The following DCAF10 variants were observed in gnomAD, a reference collection of about 807,000 sequenced individuals.
The protein encoded by DCAF10 is DDB1- and CUL4-associated factor 10.
A neutral mutation model predicts 51.9 loss-of-function variants in DCAF10; 19 were observed. That is an observed-to-expected ratio of 0.37 (90% CI 0.26 to 0.54). DCAF10 has a LOEUF of 0.54. DCAF10 is among the 20% of genes least tolerant of loss of function. The pLI, the probability that DCAF10 is intolerant of heterozygous loss-of-function variation, is 0.87. For synonymous variants in DCAF10, 291 were observed against 297.1 expected, an observed-to-expected ratio of 0.98 and a Z score of 0.21; for missense variants, 510 against 730.6, an observed-to-expected ratio of 0.70 and a Z score of 3.48.
At chr9:37,831,122 C>A (rs1436346052) in intron 2 of DCAF10, among the ~76,000 whole-genome samples, 1 of 152,138 alleles carries the variant, frequency 6.6e-6, no homozygotes, top group Non-Finnish European at 1.5e-5. Context: ...ACTCGGGAGG[C>A]AGGAGACTCG....
At chr9:37,832,450 C>A (rs1264576885) in intron 2 of DCAF10, among the ~76,000 whole-genome samples, 1 of 150,916 alleles carries the variant, frequency 6.6e-6, no homozygotes, top group Non-Finnish European at 1.5e-5. Context: ...AAGAGCGAGA[C>A]TCCGTCTCAA....
At chr9:37,845,661 C>A (rs1830453767) in intron 3 of DCAF10, among the ~76,000 whole-genome samples, 1 of 152,208 alleles carries the variant, frequency 6.6e-6, no homozygotes, top group Non-Finnish European at 1.5e-5. Flanking sequence ...CACCCTCTGA[C>A]TACCCAGGCC....
At chr9:37,826,590 C>G (rs1460124834) in intron 2 of DCAF10, among the ~76,000 whole-genome samples, 2 of 152,078 alleles carry the variant, frequency 1.3e-5, no homozygotes, top group Admixed American at 6.6e-5. Flanking sequence ...CGTGGGAGAG[C>G]ACTGGAGCCA....
intron 1 of DCAF10, among the ~76,000 whole-genome samples, chr9:37,808,924 G>T (rs1829245008): frequency 6.7e-6 from 1 of 148,676 alleles, no homozygotes; most frequent in Non-Finnish European, 1.5e-5. Flanking sequence ...ACCAGCCTGG[G>T]CAAGGAAGAA....
intron 1 of DCAF10, among the ~76,000 whole-genome samples, chr9:37,816,659 G>GGTGTGT (rs1554685707): frequency 0.018 from 2,608 of 144,968 alleles, 88 homozygotes; most frequent in African/African-American, 0.059. Flanking sequence ...CTGCACCTGG[G>GGTGTGT]GTGTGTGTGT....
chr9:37,823,229 G>A (rs1829758290), intron 2 of DCAF10, among the ~76,000 whole-genome samples: 1 of 152,182 alleles, frequency 6.6e-6, no homozygotes, highest in African/African-American at 2.4e-5. Context: ...AGAATTTTTA[G>A]CGCTGAAGGG....
In DCAF10 at chr9:37,801,414, G is replaced by A. The variant is rs764701106; in HGVS notation, c.539+9G>A. ...GAGTACTCGCCCGACGGGTAAGCGC[G>A]GCCCCTCGGAGGGCGGGCGCCCGCC... is the stretch of plus-strand genomic sequence containing the variant. On this transcript the variant is annotated intron_variant, in intron 1 of 6. Transcript: ENST00000377724. This position sits in a 1 kb window ranked among gnomAD's most constrained non-coding sequence, Gnocchi z 5.5. 5 of 1,457,908 alleles carry A rather than the reference G, an allele frequency of 3.4e-6. No homozygotes were observed. Among genetic ancestry groups the A allele is most frequent in the Non-Finnish European group, 4.5e-6 (5 of 1,102,242 alleles). The allele number at this position is 1,457,908 out of a possible 1,614,324, so 90.3% of individuals were successfully genotyped here. A position where few individuals can be genotyped will look rare whatever the true frequency, so the allele number is the denominator to read the frequency against.
chr9:37,846,643 G>A (rs1323985865), intron 3 of DCAF10, among the ~76,000 whole-genome samples: 2 of 152,050 alleles, frequency 1.3e-5, no homozygotes, highest in East Asian at 3.9e-4. Flanking sequence ...TCTTAGTAGA[G>A]ACAGGGTTTC....
chr9:37,864,962 G>A lies in DCAF10; in HGVS notation c.*3454G>A, dbSNP rs1310649403. On this transcript the variant is annotated 3_prime_UTR_variant, in exon 7 of 7. Transcript: ENST00000377724. ...AGTTAGCAGTGAGTGGCAGCACTGG[G>A]ATTCAAACCCAGGTTTGTGTCTTGT... 6.6e-6 allele frequency: 1 copy of A among 152,128 alleles called. No homozygotes were observed. The highest frequency in any genetic ancestry group is 1.5e-5 in the Non-Finnish European group (1 of 68,018). The allele number at this position is 152,128 out of a possible 1,614,324, so 9.4% of individuals were successfully genotyped here.
intron 2 of DCAF10, among the ~76,000 whole-genome samples, chr9:37,828,950 A>C (rs1042306207): frequency 6.6e-6 from 1 of 152,236 alleles, no homozygotes; most frequent in African/African-American, 2.4e-5. Flanking sequence ...GGATTTTTTT[A>C]GATACAAAAA....
chr9:37,847,527 A>G (rs1246745289), intron 3 of DCAF10, among the ~76,000 whole-genome samples: 1 of 152,202 alleles, frequency 6.6e-6, no homozygotes. Flanking sequence ...AACTAGGCAT[A>G]AAAGGGAATG....
At chr9:37,843,234 C>T (rs1324360362) in intron 3 of DCAF10, among the ~76,000 whole-genome samples, 1 of 152,124 alleles carries the variant, frequency 6.6e-6, no homozygotes, top group Non-Finnish European at 1.5e-5. Context: ...CCAGGCTGGT[C>T]TTGAACTCCT....
At chr9:37,812,394 G>C (rs2119035493) in intron 1 of DCAF10, among the ~76,000 whole-genome samples, 1 of 152,082 alleles carries the variant, frequency 6.6e-6, no homozygotes, top group South Asian at 2.1e-4. Context: ...CTAGAGGAAA[G>C]AGATAGATTA....
chr9:37,810,078 G>A (rs532181440), intron 1 of DCAF10, among the ~76,000 whole-genome samples: 2 of 150,216 alleles, frequency 1.3e-5, no homozygotes, highest in South Asian at 2.1e-4. Context: ...CTTGAACCTG[G>A]GAGGCGGAGG....
intron 1 of DCAF10, among the ~76,000 whole-genome samples, chr9:37,818,058 T>C (rs1366774070): frequency 6.6e-6 from 1 of 152,066 alleles, no homozygotes; most frequent in East Asian, 1.9e-4. Flanking sequence ...AGTAGCGTGA[T>C]CTTGGCTCAC....
intron 1 of DCAF10, among the ~76,000 whole-genome samples, chr9:37,805,476 T>C (rs1318764577): frequency 1.3e-5 from 2 of 152,132 alleles, no homozygotes; most frequent in Non-Finnish European, 2.9e-5. Context: ...AGAGTGAGAC[T>C]CCATCTCAAA....
chr9:37,843,067 T>G (rs780363459), intron 3 of DCAF10, among the ~76,000 whole-genome samples: 2 of 152,226 alleles, frequency 1.3e-5, no homozygotes, highest in Non-Finnish European at 2.9e-5. Flanking sequence ...ACCCAGGCTG[T>G]AGTGCAGTGG....
rs1345512073 is a variant in DCAF10 at position 37,865,319 on chromosome 9, A to G, written c.*3811A>G. 2 of 152,218 alleles carry G rather than the reference A, an allele frequency of 1.3e-5. No homozygotes were observed. Among genetic ancestry groups the G allele is most frequent in the East Asian group, 1.9e-4 (1 of 5,202 alleles). 9.4% of individuals were successfully genotyped at this position (152,218 alleles called of 1,614,324 possible). A position where few individuals can be genotyped will look rare whatever the true frequency, so the allele number is the denominator to read the frequency against. On this transcript the variant is annotated 3_prime_UTR_variant, in exon 7 of 7. Transcript: ENST00000377724. ...TAAAAATTAACAGCCAGCAAACTCA[A>G]AAGAACCTTTGTCCTCCTTGAGATA...
intron 2 of DCAF10, among the ~76,000 whole-genome samples, chr9:37,823,941 C>T (rs559165661): frequency 1.2e-4 from 16 of 138,126 alleles, no homozygotes; most frequent in South Asian, 1.1e-3. Context: ...AGTGCAGTGG[C>T]GTGATCTCAG....
Sources: allele counts gnomAD v4.1 joint callset (sites outside exome capture counted in the v4.1 genomes callset), GRCh38; gene constraint gnomAD v4.1.1; non-coding constraint Gnocchi (gnomAD v3.1); transcripts MANE v1.5; gene names NCBI Gene and HGNC (gene_info 2026-07-23, HGNC 2026-07-21).